Variants in ELAVL4 observed in about 807,000 individuals in gnomAD.
ELAVL4 encodes the protein ELAV like RNA binding protein 4.
A neutral mutation model predicts 35.6 loss-of-function variants in ELAVL4; 1 was observed. The ratio of observed to expected loss-of-function variants is 0.03; its 90% confidence interval spans 0.01 to 0.13. ELAVL4 has a LOEUF of 0.13. ELAVL4 is among the 10% of genes least tolerant of loss of function. ELAVL4 has a pLI of 1.00. For synonymous variants in ELAVL4, 156 were observed against 171.0 expected (o/e 0.91, Z 0.69); for missense variants, 267 against 464.9 (o/e 0.57, Z 3.91).
intron 2 of ELAVL4, among the ~76,000 whole-genome samples, chr1:50,156,174 A>G (rs1006755336): frequency 6.6e-6 from 1 of 152,196 alleles, no homozygotes; most frequent in African/African-American, 2.4e-5. Context: ...ATTGAGACAG[A>G]CTTCACTGAA....
chr1:50,081,603 C>G (rs1238521327), intron 1 of ELAVL4, among the ~76,000 whole-genome samples: 1 of 152,204 alleles, frequency 6.6e-6, no homozygotes, highest in Non-Finnish European at 1.5e-5. Flanking sequence ...CCTTTTGAAT[C>G]TTGCAGTGGG....
upstream of ELAVL4, among the ~76,000 whole-genome samples, chr1:50,103,161 A>G (rs1244980705): frequency 6.6e-6 from 1 of 152,246 alleles, no homozygotes; most frequent in Non-Finnish European, 1.5e-5. Flanking sequence ...TTACCTGCAC[A>G]GGTGAACTCT....
At chr1:50,181,242 G>C (rs1009794443) in intron 3 of ELAVL4, 1 of 152,232 alleles carries the variant, frequency 6.6e-6, no homozygotes, top group Admixed American at 6.5e-5. Context: ...ATTTGGCTCT[G>C]TGCACACATG....
At chr1:50,112,535 A>G (rs1475623306) in intron 1 of ELAVL4, among the ~76,000 whole-genome samples, 1 of 152,158 alleles carries the variant, frequency 6.6e-6, no homozygotes, top group Non-Finnish European at 1.5e-5. Context: ...ACATCTGACT[A>G]AGTAGCAGTT....
chr1:50,079,146 C>G (rs955786605), intron 1 of ELAVL4, among the ~76,000 whole-genome samples: 1 of 152,080 alleles, frequency 6.6e-6, no homozygotes. Context: ...AGACTGGTCT[C>G]GAACTCCTGG....
chr1:50,198,883 C>T (rs919304490), intron 6 of ELAVL4, among the ~76,000 whole-genome samples: 3 of 152,106 alleles, frequency 2.0e-5, no homozygotes, highest in African/African-American at 7.2e-5. Context: ...TAACTGTCAC[C>T]AACTAGGATA....
intron 1 of ELAVL4, among the ~76,000 whole-genome samples, chr1:50,052,712 T>C (rs960007406): frequency 6.6e-6 from 1 of 152,166 alleles, no homozygotes; most frequent in Admixed American, 6.5e-5. Flanking sequence ...CAAATCAGAG[T>C]CTGGCAATAG....
intron 1 of ELAVL4, among the ~76,000 whole-genome samples, chr1:50,077,947 G>A (rs72686800): frequency 0.02 from 3,010 of 152,186 alleles, 51 homozygotes; most frequent in Non-Finnish European, 0.033. Flanking sequence ...ACAGTCTCTG[G>A]AGCCAGACTT....
chr1:50,183,322 A>G (rs561678907), intron 3 of ELAVL4, among the ~76,000 whole-genome samples: 1 of 152,254 alleles, frequency 6.6e-6, no homozygotes, highest in South Asian at 2.1e-4. Flanking sequence ...TGGATCTGGG[A>G]TGAAGGGGTA....
At chr1:50,169,290 T>A (rs1678559755) in intron 2 of ELAVL4, among the ~76,000 whole-genome samples, 1 of 152,140 alleles carries the variant, frequency 6.6e-6, no homozygotes, top group Admixed American at 6.6e-5. Context: ...CTGACTCAAA[T>A]GTTAATCTCT....
chr1:50,097,279 C>T (rs1407546055), intron 1 of ELAVL4, among the ~76,000 whole-genome samples: 1 of 152,158 alleles, frequency 6.6e-6, no homozygotes, highest in Non-Finnish European at 1.5e-5. Flanking sequence ...GAACATGCTA[C>T]TACCCCGGCT....
intron 1 of ELAVL4, among the ~76,000 whole-genome samples, chr1:50,058,796 G>T (rs1163856494): frequency 1.3e-5 from 2 of 151,722 alleles, no homozygotes; most frequent in South Asian, 4.2e-4. Flanking sequence ...TAGAGATGAG[G>T]TTTCCCCATG....
rs77704748 is a variant in ELAVL4 at position 50,087,203 on chromosome 1, A to G, written c.18+39021A>G. On this transcript the variant is annotated intron_variant, in intron 1 of 6. Transcript: ENST00000448907. ...GGATCCCCAAAACAGCCAACCAGAA[A>G]TGGAATTTTAAAACATGGCTTATTT... 8.1e-3 allele frequency among the ~76,000 whole-genome samples: 1,228 copies of G among 152,314 alleles called. 9 individuals are homozygous for G. Among genetic ancestry groups the G allele is most frequent in the Middle Eastern group, 0.031 (9 of 294 alleles).
At chr1:50,171,993 A>T (rs1190420402) in intron 2 of ELAVL4, among the ~76,000 whole-genome samples, 1 of 152,254 alleles carries the variant, frequency 6.6e-6, no homozygotes, top group East Asian at 1.9e-4. Flanking sequence ...TACTCAACTC[A>T]GAAGTTTTCA....
intron 1 of ELAVL4, among the ~76,000 whole-genome samples, chr1:50,066,639 TGAAG>T (rs1244742970): frequency 6.6e-6 from 1 of 152,180 alleles, no homozygotes; most frequent in Non-Finnish European, 1.5e-5. Flanking sequence ...AAAAATACTA[TGAAG>T]ATAAAAAATA....
At chr1:50,195,427 A>C (rs1390339416) in intron 4 of ELAVL4, 134 bp from the exon 5 acceptor site, 1 of 892,420 alleles carries the variant, frequency 1.1e-6, no homozygotes, top group Non-Finnish European at 1.8e-6. Context: ...GAGAGAGATC[A>C]GGGAGCTGGG....
intron 1 of ELAVL4, among the ~76,000 whole-genome samples, chr1:50,097,002 G>A (rs1665744005): frequency 6.6e-6 from 1 of 152,262 alleles, no homozygotes; most frequent in Middle Eastern, 3.4e-3. Context: ...GATCGCTTGA[G>A]CCCAGGAGTT....
intron 1 of ELAVL4, among the ~76,000 whole-genome samples, chr1:50,063,566 G>A (rs1664110516): frequency 6.6e-6 from 1 of 151,930 alleles, no homozygotes; most frequent in Non-Finnish European, 1.5e-5. Context: ...TATCTCTCTG[G>A]CTAACCACCC....
intron 1 of ELAVL4, among the ~76,000 whole-genome samples, chr1:50,060,111 A>C (rs1413152950): frequency 6.6e-6 from 1 of 152,258 alleles, no homozygotes; most frequent in Admixed American, 6.5e-5. Context: ...ATCTCAATAA[A>C]GTATTTTTCA....
Sources: allele counts gnomAD v4.1 joint callset (sites outside exome capture counted in the v4.1 genomes callset), GRCh38; gene constraint gnomAD v4.1.1; transcripts MANE v1.5; gene names NCBI Gene and HGNC (gene_info 2026-07-23, HGNC 2026-07-21).